The following ANXA13 variants were observed in gnomAD, a reference collection of about 807,000 sequenced individuals.
ANXA13 encodes the protein annexin XIII.
A neutral mutation model predicts 46.6 loss-of-function variants in ANXA13; 36 were observed. That is an observed-to-expected ratio of 0.77 (90% CI 0.59 to 1.02). The LOEUF (loss-of-function observed/expected upper bound fraction) is 1.02. Ranked by LOEUF, ANXA13 falls within the 50% of genes least tolerant of loss-of-function variation. The pLI, the probability that ANXA13 is intolerant of heterozygous loss-of-function variation, is 0.00. For missense variants in ANXA13, 417 were observed against 396.5 expected (o/e 1.05, Z -0.44); for synonymous variants, 163 against 152.9 (o/e 1.07, Z -0.49).
intron 1 of ANXA13, among the ~76,000 whole-genome samples, chr8:123,727,228 GT>G (rs1213331785): frequency 6.6e-6 from 1 of 152,152 alleles, no homozygotes; most frequent in African/African-American, 2.4e-5. Flanking sequence ...AAAAGAAGAA[GT>G]TGTTACTCAT....
chr8:123,682,112 C>A (rs1305581525), intron 10 of ANXA13, among the ~76,000 whole-genome samples: 1 of 152,130 alleles, frequency 6.6e-6, no homozygotes, highest in Non-Finnish European at 1.5e-5. Flanking sequence ...AAATTGTCAA[C>A]ACAGAGATGT....
intron 1 of ANXA13, among the ~76,000 whole-genome samples, chr8:123,718,542 C>G (rs1331740604): frequency 6.6e-6 from 1 of 152,172 alleles, no homozygotes; most frequent in African/African-American, 2.4e-5. Context: ...GCCTGGACCT[C>G]AGGTCCAAAA....
At chr8:123,693,683 G>T (rs747905174) in intron 7 of ANXA13, 28 bp downstream of exon 7, 2 of 1,571,024 alleles carry the variant, frequency 1.3e-6, no homozygotes, top group South Asian at 2.4e-5. Context: ...AAAAGAATTT[G>T]CAGAGACTGG....
intron 8 of ANXA13, among the ~76,000 whole-genome samples, chr8:123,689,625 C>T (rs760921236): frequency 6.6e-5 from 10 of 152,132 alleles, no homozygotes; most frequent in Admixed American, 3.9e-4. Flanking sequence ...TATTGCTCTG[C>T]GCAGCATTAC....
intron 2 of ANXA13, among the ~76,000 whole-genome samples, chr8:123,704,741 T>A (rs1205124420): frequency 6.6e-6 from 1 of 152,190 alleles, no homozygotes; most frequent in Non-Finnish European, 1.5e-5. Context: ...TAGATGGCTT[T>A]GTACCTCCTT....
chr8:123,705,889 A>G (rs989943989), intron 2 of ANXA13, among the ~76,000 whole-genome samples: 2 of 152,216 alleles, frequency 1.3e-5, no homozygotes, highest in Admixed American at 6.5e-5. Flanking sequence ...CTTCTGCTCC[A>G]GCACCAGCCC....
Position 123,690,717 on chromosome 8 carries a change from C to T in ANXA13, c.643-1771G>A, listed in dbSNP as rs1408862270. ...ACAAGTCTCTAAGACTCTAGTTAAA[C>T]AGGCAGCAATGCCTGCAGGGAGGTT... is the stretch of plus-strand genomic sequence containing the variant. On this transcript the variant is annotated intron_variant, in intron 8 of 10. Transcript: ENST00000419625. This position sits in a 1 kb window ranked among gnomAD's most constrained non-coding sequence, Gnocchi z 4.6. Among the ~76,000 whole-genome samples the T allele has an allele frequency of 6.6e-6, 1 of 152,252 alleles. No homozygotes were observed. Among genetic ancestry groups the T allele is most frequent in the Non-Finnish European group, 1.5e-5 (1 of 68,044 alleles).
intron 6 of ANXA13, 94 bp from the exon 7 acceptor site, chr8:123,693,873 A>G (rs1405551724): frequency 2.5e-6 from 3 of 1,186,574 alleles, no homozygotes; most frequent in Non-Finnish European, 3.7e-6. Context: ...GAAAGAGGTG[A>G]ATTCTTTCTC....
intron 4 of ANXA13, among the ~76,000 whole-genome samples, chr8:123,696,561 C>T (rs76809239): frequency 2.7e-4 from 41 of 152,036 alleles, no homozygotes; most frequent in Non-Finnish European, 7.4e-5. Flanking sequence ...CTCCCCCACC[C>T]CCCCCACCAC....
At chr8:123,715,734 G>A (rs1210236847) in intron 1 of ANXA13, among the ~76,000 whole-genome samples, 1 of 152,218 alleles carries the variant, frequency 6.6e-6, no homozygotes, top group Non-Finnish European at 1.5e-5. Flanking sequence ...AAGCTGTGAG[G>A]GCTTGCAGAG....
chr8:123,684,859 C>T, intron 9 of ANXA13, 137 bp from the exon 10 acceptor site: 1 of 643,658 alleles, frequency 1.6e-6, no homozygotes, highest in East Asian at 2.7e-5. Flanking sequence ...GCTGACTTGA[C>T]ACCGTTGCGA....
At chr8:123,691,911 C>T (rs1586314843) in intron 8 of ANXA13, among the ~76,000 whole-genome samples, 1 of 152,280 alleles carries the variant, frequency 6.6e-6, no homozygotes, top group African/African-American at 2.4e-5. Flanking sequence ...CCAGAAACTC[C>T]ATCTGTGGGC....
chr8:123,725,308 C>T (rs1416113582), intron 1 of ANXA13, among the ~76,000 whole-genome samples: 1 of 152,148 alleles, frequency 6.6e-6, no homozygotes, highest in Non-Finnish European at 1.5e-5. Context: ...GTTTGGGAGA[C>T]ATTGAATGTA....
chr8:123,735,398 G>T (rs1267621131), intron 1 of ANXA13, among the ~76,000 whole-genome samples: 1 of 152,074 alleles, frequency 6.6e-6, no homozygotes, highest in African/African-American at 2.4e-5. Flanking sequence ...TCTTTAAAAA[G>T]ATTTTGTATT....
chr8:123,687,798 G>A (rs1813167610), intron 9 of ANXA13, among the ~76,000 whole-genome samples: 1 of 152,128 alleles, frequency 6.6e-6, no homozygotes, highest in South Asian at 2.1e-4. Flanking sequence ...GTGGACAATG[G>A]ACAATGCCTT....
intron 2 of ANXA13, among the ~76,000 whole-genome samples, chr8:123,711,437 G>T (rs1286011216): frequency 6.6e-6 from 1 of 151,986 alleles, no homozygotes; most frequent in Non-Finnish European, 1.5e-5. Context: ...TCTCTTCATG[G>T]CCCTAGACCT....
rs750855704 is a variant in ANXA13, at chr8:123,681,279, G to A, written c.912C>T (p.Ser304=). ...SLSDMVRSDT[S]GDFRKLLVAL... The stretch of plus-strand genomic sequence containing the variant: ...CTACTAGCAGTTTCCGGAAGTCCCC[G>A]GAGGTATCTGAGCGAACCATGTCAG... The change falls in exon 11 of 11, where the codon TCC becomes TCT. Residue 304 remains serine, a synonymous_variant. Coordinates refer to ENST00000419625, the MANE Select transcript of ANXA13 (RefSeq NM_004306.4). The A allele has an allele frequency of 2.9e-5, 47 of 1,614,002 alleles. 1 individual carries two copies. The highest frequency in any genetic ancestry group is 4.0e-5 in the African/African-American group (3 of 74,940).
chr8:123,711,267 C>T (rs576759608), intron 2 of ANXA13, among the ~76,000 whole-genome samples: 1 of 152,356 alleles, frequency 6.6e-6, no homozygotes, highest in African/African-American at 2.4e-5. Flanking sequence ...TCTGCCCCAA[C>T]AACACCTATG....
intron 8 of ANXA13, among the ~76,000 whole-genome samples, 171 bp downstream of exon 8, chr8:123,693,026 C>A (rs1813268257): frequency 6.6e-6 from 1 of 152,136 alleles, no homozygotes; most frequent in Non-Finnish European, 1.5e-5. Flanking sequence ...TGTGACAACT[C>A]CAGATAATTC....
Sources: gnomAD v4.1 joint callset for allele counts (sites outside exome capture counted in the v4.1 genomes callset) on GRCh38, gnomAD v4.1.1 for gene constraint, Gnocchi (gnomAD v3.1) non-coding constraint, MANE v1.5 for transcripts, NCBI Gene and HGNC (gene_info 2026-07-23, HGNC 2026-07-21) for gene names.